The following RNF20 variants were observed in gnomAD, a reference collection of about 807,000 sequenced individuals.
The protein encoded by RNF20 is E3 ubiquitin-protein ligase BRE1A.
RNF20 carries 84 observed loss-of-function variants against 126.2 expected under a neutral mutation model. The observed-to-expected ratio is 0.67, with a 90% CI of 0.56 to 0.80. The LOEUF is 0.80. RNF20 is among the 30% of genes least tolerant of loss of function. The probability of loss-of-function intolerance (pLI) is 0.00; values close to 1 mark genes in which losing one functional copy is unlikely to be tolerated. For missense variants in RNF20, 869 were observed against 1,188.2 expected (o/e 0.73, Z 3.95); for synonymous variants, 400 against 414.3 (o/e 0.97, Z 0.42).
chr9:101,554,169 T>C lies in RNF20; in HGVS notation c.2019+64T>C, dbSNP rs907122206. ...TCTTCATTTGTGGGATTTTCCTTTA[T>C]ACTTGCCAACGATATAATTTCTTTC... On this transcript the variant is annotated intron_variant, in intron 14 of 19. Transcript: ENST00000389120. 6 of 904,814 alleles carry C rather than the reference T, an allele frequency of 6.6e-6. No homozygotes were observed. The African/African-American group carries it at 1.0e-4, about 15-fold the overall frequency. 56.0% of individuals were successfully genotyped at this position (904,814 alleles called of 1,614,324 possible). A position where few individuals can be genotyped will look rare whatever the true frequency, so the allele number is the denominator to read the frequency against.
chr9:101,547,597 C>A, intron 9 of RNF20, 79 bp downstream of exon 9: 1 of 1,502,586 alleles, frequency 6.7e-7, no homozygotes. Flanking sequence ...TGTGAATCTG[C>A]GTATTCATGA....
chr9:101,548,920 C>G (rs1827397308), intron 9 of RNF20, among the ~76,000 whole-genome samples: 2 of 152,146 alleles, frequency 1.3e-5, no homozygotes, highest in Non-Finnish European at 2.9e-5. Flanking sequence ...CGAAGTGATT[C>G]CACAGGTTTG....
chr9:101,535,577 G>T, intron 2 of RNF20, 25 bp downstream of exon 2: 1 of 1,599,202 alleles, frequency 6.3e-7, no homozygotes, highest in South Asian at 1.1e-5. Context: ...TGCCATGAAA[G>T]TGTGCTTGTC....
intron 2 of RNF20, among the ~76,000 whole-genome samples, chr9:101,539,264 G>A (rs927974698): frequency 1.3e-5 from 2 of 152,140 alleles, no homozygotes; most frequent in Admixed American, 1.3e-4. Context: ...AATTCATTTT[G>A]TAAAGGCACC....
chr9:101,561,566 G>A (rs1827628761), intron 18 of RNF20: 2 of 399,186 alleles, frequency 5.0e-6, no homozygotes, highest in Non-Finnish European at 9.0e-6. Context: ...ATGTCTTTCT[G>A]TCTTTATCCG....
intron 5 of RNF20, among the ~76,000 whole-genome samples, chr9:101,541,371 A>G (rs13293899): frequency 0.48 from 73,347 of 152,122 alleles, 17,888 homozygotes; most frequent in East Asian, 0.66. Flanking sequence ...CCTGGACTAT[A>G]TATTTTAATT....
At chr9:101,561,580 GTC>G (rs1827629041) in intron 18 of RNF20, 2 of 399,644 alleles carry the variant, frequency 5.0e-6, no homozygotes, top group Non-Finnish European at 9.0e-6. Context: ...TTATCCGTAA[GTC>G]TCTGAATTAT....
Position 101,562,310 on chromosome 9 carries a change from A to G in RNF20, c.2816A>G (p.His939Arg), listed in dbSNP as rs2118750055. ...GATGCTGTTCTTACTAAGTGTTTTC[A>G]TGTCTTCTGCTTTGAGTGTGTGAAG... ...KKDAVLTKCF[H>R]VFCFECVKTR... The change falls in exon 20 of 20, where the codon CAT becomes CGT. Residue 939 changes from histidine to arginine, a missense_variant. Physicochemically the swap from His to Arg is conservative, Grantham distance 29. Around this residue, in one of 8 missense-constraint regions of RNF20, gnomAD observed 36 missense variants for 85.6 expected, o/e 0.42. Coordinates refer to ENST00000389120, the MANE Select transcript of RNF20 (RefSeq NM_019592.7). 6.2e-7 allele frequency: 1 copy of G among 1,613,992 alleles called. No homozygotes were observed. Among genetic ancestry groups the G allele is most frequent in the Non-Finnish European group, 8.5e-7 (1 of 1,179,946 alleles).
At chr9:101,543,612 C>T (rs1827298268) in intron 5 of RNF20, among the ~76,000 whole-genome samples, 1 of 151,962 alleles carries the variant, frequency 6.6e-6, no homozygotes, top group Non-Finnish European at 1.5e-5. Flanking sequence ...GCCAGGGCGG[C>T]ACTGTCTAAC....
rs1339814291 is a variant in RNF20 at position 101,553,968 on chromosome 9, C to T, written c.1902-20C>T. The T allele has an allele frequency of 4.3e-6, 6 of 1,400,616 alleles. No homozygotes were observed. The highest frequency in any genetic ancestry group is 2.0e-6 in the Non-Finnish European group (2 of 990,358). 86.8% of individuals were successfully genotyped at this position (1,400,616 alleles called of 1,614,324 possible). A position where few individuals can be genotyped will look rare whatever the true frequency, so the allele number is the denominator to read the frequency against. ...TTTTCTTATTACATTGTTCCCCTCC[C>T]TCTACTACGCCTGTCATAGGAAGGC... On this transcript the variant is annotated intron_variant, in intron 13 of 19. Coordinates refer to ENST00000389120, the MANE Select transcript of RNF20 (RefSeq NM_019592.7).
chr9:101,548,777 G>A (rs562657877), intron 9 of RNF20, among the ~76,000 whole-genome samples: 2 of 152,302 alleles, frequency 1.3e-5, no homozygotes, highest in East Asian at 3.9e-4. Flanking sequence ...TGTAGGAGTT[G>A]TTGAGAAAAA....
At chr9:101,535,364 ATAT>A in intron 1 of RNF20, 31 bp from the exon 2 acceptor site, 1 of 1,566,814 alleles carries the variant, frequency 6.4e-7, no homozygotes, top group Non-Finnish European at 8.7e-7. Context: ...TTGCTTACAT[ATAT>A]TATGTCAGTT....
At chr9:101,539,516 T>G (rs1564106712) in intron 2 of RNF20, among the ~76,000 whole-genome samples, 1 of 152,128 alleles carries the variant, frequency 6.6e-6, no homozygotes, top group African/African-American at 2.4e-5. Flanking sequence ...AAGAAAAGAA[T>G]TCAACATTCT....
chr9:101,546,853 G>T lies in RNF20; in HGVS notation c.781G>T (p.Glu261Ter). Residue 261 changes from glutamate to a stop codon, truncating the protein, a stop_gained, in exon 7 of 20, where the codon GAA becomes TAA. Coordinates refer to ENST00000389120, the MANE Select transcript of RNF20 (RefSeq NM_019592.7). LOFTEE classifies it high-confidence loss of function. ...SKLQSKVETA[E>*]SRVSVLESMI... ...GTTGCAGAGTAAAGTGGAGACAGCCGAATCACGAGTGTCTGTCCTGGAGTC... is the reference window on the plus strand; with the variant it reads ...GTTGCAGAGTAAAGTGGAGACAGCCTAATCACGAGTGTCTGTCCTGGAGTC... 6.2e-7 allele frequency: 1 copy of T among 1,614,116 alleles called. No homozygotes were observed. The highest frequency in any genetic ancestry group is 8.5e-7 in the Non-Finnish European group (1 of 1,179,992).
chr9:101,547,160 G>A lies in RNF20; in HGVS notation c.918G>A (p.Val306=), dbSNP rs765037895. 4 of 1,614,146 alleles carry A rather than the reference G, an allele frequency of 2.5e-6. No homozygotes were observed. Among genetic ancestry groups the A allele is most frequent in the Admixed American group, 1.7e-5 (1 of 60,022 alleles). The change falls in exon 8 of 20, where the codon GTG becomes GTA. Residue 306 remains valine (V), a synonymous_variant. Transcript: ENST00000389120. Reference sequence around the variant, plus strand: ...AGGTGAATTCCAAAGGTTATAAGGTGTATGGAGCGGGGAGCAGTCTGTATG... The same window carrying A: ...AGGTGAATTCCAAAGGTTATAAGGTATATGGAGCGGGGAGCAGTCTGTATG... ...LERVNSKGYK[V]YGAGSSLYGG...
chr9:101,544,963 A>T, intron 6 of RNF20, 78 bp downstream of exon 6: 1 of 885,272 alleles, frequency 1.1e-6, no homozygotes, highest in Non-Finnish European at 1.9e-6. Flanking sequence ...AGCACCTCAA[A>T]GATTACCTTA....
intron 6 of RNF20, among the ~76,000 whole-genome samples, chr9:101,545,490 G>A (rs1827333315): frequency 1.3e-5 from 2 of 152,314 alleles, no homozygotes; most frequent in Non-Finnish European, 2.9e-5. Flanking sequence ...AATTCAAAGA[G>A]GTTAGTGATT....
intron 12 of RNF20, 32 bp from the exon 13 acceptor site, chr9:101,552,351 G>T (rs1265952265): frequency 1.7e-5 from 28 of 1,608,416 alleles, no homozygotes; most frequent in Non-Finnish European, 2.3e-5. Context: ...TATCATAAGA[G>T]ATGTGCATCT....
intron 2 of RNF20, among the ~76,000 whole-genome samples, chr9:101,536,257 A>T (rs995512583): frequency 6.6e-6 from 1 of 152,360 alleles, no homozygotes; most frequent in East Asian, 1.9e-4. Flanking sequence ...TCTGTTAGAC[A>T]TCAGAAGTTT....
Sources: allele counts gnomAD v4.1 joint callset (sites outside exome capture counted in the v4.1 genomes callset), GRCh38; gene constraint gnomAD v4.1.1; regional missense constraint gnomAD v4.1.1; transcripts MANE v1.5; gene names NCBI Gene and HGNC (gene_info 2026-07-23, HGNC 2026-07-21).